The following ZNF462 variants were observed in gnomAD, a reference collection of about 807,000 sequenced individuals.
The protein encoded by ZNF462 is zinc finger PBX1-interacting protein.
Under a neutral mutation model 201.9 loss-of-function variants are expected in ZNF462, and 10 were observed. The observed-to-expected ratio is 0.05, with a 90% confidence interval of 0.03 to 0.08. ZNF462 has a LOEUF of 0.08. Among genes scored for constraint, ZNF462 ranks in the 10% least tolerant of loss-of-function variants. The pLI is 1.00. For synonymous variants in ZNF462, 1,227 were observed against 1,193.3 expected (o/e 1.03, Z -0.58); for missense variants, 2,523 against 3,168.3 (o/e 0.80, Z 4.89).
In ZNF462 at chr9:106,932,292, C is replaced by A. The variant is rs764365666; in HGVS notation, c.6013-154C>A. On this transcript the variant is annotated intron_variant, in intron 4 of 12. Transcript: ENST00000277225. The surrounding 1 kb of genome is among the most constrained non-coding windows in gnomAD (Gnocchi z 6.8). Reference sequence around the variant, plus strand: ...AGGCGGATGACCCTGCCCACTTGTTCCTGGATGGATTGGAAGCAGCCAAAG... The same window carrying A: ...AGGCGGATGACCCTGCCCACTTGTTACTGGATGGATTGGAAGCAGCCAAAG... 9 of 1,551,746 alleles carry A rather than the reference C, an allele frequency of 5.8e-6. No homozygotes were observed. In the South Asian group the frequency reaches 1.1e-4, roughly 18 times the overall value.
chr9:106,985,705 T>C (rs550009678), intron 10 of ZNF462, among the ~76,000 whole-genome samples: 2 of 152,294 alleles, frequency 1.3e-5, no homozygotes, highest in Non-Finnish European at 2.9e-5. Context: ...ATATAGTCCT[T>C]CTTTTCTGGC....
rs201724338 is a variant in ZNF462 at position 106,932,350 on chromosome 9, G to A, written c.6013-96G>A. The A allele has an allele frequency of 6.1e-5, 96 of 1,584,084 alleles. 2 individuals carry two copies. In the South Asian group the frequency reaches 8.2e-4, roughly 14 times the overall value. On this transcript the variant is annotated intron_variant, in intron 4 of 12. Transcript: ENST00000277225. The surrounding 1 kb of genome is among the most constrained non-coding windows in gnomAD (Gnocchi z 6.8). ...TGGCGCCCTGGTGGGCCGGGTGGAT[G>A]GTGAACACTGCTTGCTTGATGGAAT...
At position 106,883,805 on chromosome 9, in the gene ZNF462, G is replaced by C. The variant is rs548341873; in HGVS notation, c.-31+20450G>C. On this transcript the variant is annotated intron_variant, in intron 1 of 12. Coordinates refer to ENST00000277225, the MANE Select transcript of ZNF462 (RefSeq NM_021224.6). The surrounding 1 kb of genome is among the most constrained non-coding windows in gnomAD (Gnocchi z 4.9). ...TGGCTTGTTCATTTAGATGGACAGG[G>C]GAGCCTACGCAAGTCATGGGGGCTG... Among the ~76,000 whole-genome samples, 1 of 152,266 alleles carries C rather than the reference G, an allele frequency of 6.6e-6. No individual in the cohort carries two copies. The highest frequency in any genetic ancestry group is 6.5e-5 in the Admixed American group (1 of 15,294).
intron 7 of ZNF462, among the ~76,000 whole-genome samples, chr9:106,955,547 A>G (rs1831536778): frequency 6.6e-6 from 1 of 152,234 alleles, no homozygotes; most frequent in South Asian, 2.1e-4. Context: ...TCTTAAAGTA[A>G]AACAACAATG....
chr9:106,908,939 A>C (rs1167535685), intron 1 of ZNF462, among the ~76,000 whole-genome samples: 1 of 29,948 alleles, frequency 3.3e-5, no homozygotes, highest in East Asian at 9.6e-4. Flanking sequence ...ATATATATAT[A>C]TATTTTTTTT....
intron 7 of ZNF462, among the ~76,000 whole-genome samples, chr9:106,953,776 G>A (rs1268693686): frequency 2.0e-5 from 3 of 151,944 alleles, no homozygotes; most frequent in Non-Finnish European, 4.4e-5. Context: ...CTCCACCTGC[G>A]GGTCTCATTC....
intron 10 of ZNF462, among the ~76,000 whole-genome samples, chr9:107,000,422 AG>A (rs1212376487): frequency 8.6e-5 from 13 of 152,046 alleles, no homozygotes; most frequent in African/African-American, 9.7e-5. Flanking sequence ...TGGGAGGGGA[AG>A]GGGCTGGCAG....
intron 1 of ZNF462, among the ~76,000 whole-genome samples, chr9:106,912,401 C>CA (rs137928084): frequency 6.6e-6 from 1 of 151,908 alleles, no homozygotes; most frequent in Non-Finnish European, 1.5e-5. Context: ...AGTCAATCTG[C>CA]AAAAAAATGG....
upstream of ZNF462, among the ~76,000 whole-genome samples, chr9:106,861,065 C>T (rs532340355): frequency 1.4e-4 from 22 of 152,154 alleles, no homozygotes; most frequent in East Asian, 3.7e-3. Flanking sequence ...CTTTCTTCTC[C>T]ACCGCACGCG....
chr9:106,940,813 T>C (rs1234157571), intron 7 of ZNF462, among the ~76,000 whole-genome samples: 1 of 152,070 alleles, frequency 6.6e-6, no homozygotes, highest in African/African-American at 2.4e-5. Context: ...TGAGAGTACC[T>C]GTGGAAGGGT....
At chr9:106,861,084 C>CATTT (rs1250533971), upstream of ZNF462, among the ~76,000 whole-genome samples, 1 of 151,740 alleles carries the variant, frequency 6.6e-6, no homozygotes, top group Non-Finnish European at 1.5e-5. Context: ...CGTAGAGTGT[C>CATTT]ATTTATTTAT....
Position 106,927,155 on chromosome 9 carries a change from A to G in ZNF462, c.3243A>G (p.Leu1081=). The change falls in exon 3 of 13, where the codon TTA becomes TTG. Residue 1081 remains leucine (L), a synonymous_variant. Coordinates refer to ENST00000277225, the MANE Select transcript of ZNF462 (RefSeq NM_021224.6). ...ACAGGGGCTCTGCCCTTTCTCAATT[A>G]TCATTTGAGGTGGGTGCTCCAATGT... ...SVDRGSALSQ[L]SFEVGAPMSP... 1 of 1,614,068 alleles carries G rather than the reference A, an allele frequency of 6.2e-7. No individual in the cohort carries two copies. The highest frequency in any genetic ancestry group is 8.5e-7 in the Non-Finnish European group (1 of 1,180,016).
chr9:107,001,091 A>T (rs966897231), intron 10 of ZNF462, among the ~76,000 whole-genome samples: 1 of 152,090 alleles, frequency 6.6e-6, no homozygotes, highest in African/African-American at 2.4e-5. Flanking sequence ...AGTTTCCCTG[A>T]TTCCTAATGG....
chr9:106,954,802 C>T lies in ZNF462; in HGVS notation c.6427+15695C>T, dbSNP rs1032810976. On this transcript the variant is annotated intron_variant, in intron 7 of 12. Coordinates refer to ENST00000277225, the MANE Select transcript of ZNF462 (RefSeq NM_021224.6). This position sits in a 1 kb window ranked among gnomAD's most constrained non-coding sequence, Gnocchi z 4.0. ...AATCCCTCAATGCTGTGCCCTACCT[C>T]TCTTAAGAACATGTAGTTCAGTCTA... is the stretch of plus-strand genomic sequence containing the variant. Among the ~76,000 whole-genome samples the T allele has an allele frequency of 6.6e-6, 1 of 152,162 alleles. No individual in the cohort carries two copies. The highest frequency in any genetic ancestry group is 2.4e-5 in the African/African-American group (1 of 41,428).
At position 106,972,088 on chromosome 9, in the gene ZNF462, G is replaced by C. The variant is rs1826650433; in HGVS notation, c.6511G>C (p.Val2171Leu). ...TGCCCTGGCAAGGAACAACAGCCGTGTTAGCCCTGTGCCTCTTTCTGGGGC... is the reference window on the plus strand; with the variant it reads ...TGCCCTGGCAAGGAACAACAGCCGTCTTAGCCCTGTGCCTCTTTCTGGGGC... ...SAALARNNSR[V>L]SPVPLSGAAA... is the part of the protein sequence containing the mutation. Residue 2171 changes from valine to leucine, a missense_variant, in exon 8 of 13, where the codon GTT becomes CTT. By Grantham distance (32) the Val-to-Leu change is conservative (BLOSUM62 1). Transcript: ENST00000277225. The surrounding 1 kb of genome is among the most constrained non-coding windows in gnomAD (Gnocchi z 4.8). 5 of 1,614,070 alleles carry C rather than the reference G, an allele frequency of 3.1e-6. No individual in the cohort carries two copies. The highest frequency in any genetic ancestry group is 4.2e-6 in the Non-Finnish European group (5 of 1,180,038).
intron 1 of ZNF462, among the ~76,000 whole-genome samples, chr9:106,908,141 A>C (rs1234179001): frequency 6.6e-6 from 1 of 151,992 alleles, no homozygotes; most frequent in Non-Finnish European, 1.5e-5. Context: ...GCACTTGAAA[A>C]CTTTTGTAGA....
At chr9:106,983,937 C>T (rs1827635351) in intron 9 of ZNF462, among the ~76,000 whole-genome samples, 1 of 152,156 alleles carries the variant, frequency 6.6e-6, no homozygotes, top group African/African-American at 2.4e-5. Flanking sequence ...GCCCACCCCA[C>T]CTCTATTTAT....
rs1408254241 is a variant in ZNF462 at position 106,974,342 on chromosome 9, G to GGCCTTCTAGGGATGGC, written c.6832+69_6832+70insGCCTTCTAGGGATGGC. ...GCAGCAGAGATGGCCTTCTAGGGAT[G>GGCCTTCTAGGGATGGC]CTCTCTCAGAGTGGCAGTAGCACCT... On this transcript the variant is annotated intron_variant, in intron 9 of 12. Transcript: ENST00000277225. The surrounding 1 kb of genome is among the most constrained non-coding windows in gnomAD (Gnocchi z 4.0). The GGCCTTCTAGGGATGGC allele has an allele frequency of 1.9e-6, 3 of 1,607,546 alleles. No homozygotes were observed. The East Asian group carries it at 6.7e-5, about 36-fold the overall frequency.
chr9:106,864,387 G>T (rs1268033888), intron 1 of ZNF462, among the ~76,000 whole-genome samples: 1 of 152,058 alleles, frequency 6.6e-6, no homozygotes, highest in African/African-American at 2.4e-5. Flanking sequence ...CTGGGGGGGC[G>T]TCTCACTCCT....
Sources: gnomAD v4.1 joint callset for allele counts (sites outside exome capture counted in the v4.1 genomes callset) on GRCh38, gnomAD v4.1.1 for gene constraint, Gnocchi (gnomAD v3.1) non-coding constraint, MANE v1.5 for transcripts, NCBI Gene and HGNC (gene_info 2026-07-23, HGNC 2026-07-21) for gene names.